The following SCAPER variants were observed in gnomAD, a reference collection of about 807,000 sequenced individuals.
SCAPER encodes S-phase cyclin A associated protein in the ER.
Under a neutral mutation model 182.2 loss-of-function variants are expected in SCAPER, and 98 were observed. The ratio of observed to expected loss-of-function variants is 0.54; its 90% confidence interval spans 0.46 to 0.64. The LOEUF (loss-of-function observed/expected upper bound fraction) is 0.64. Among genes scored for constraint, SCAPER ranks in the 30% least tolerant of loss-of-function variants. The pLI is 0.00. For synonymous variants in SCAPER, 605 were observed against 564.6 expected, an observed-to-expected ratio of 1.07 and a Z score of -1.01; for missense variants, 1,432 against 1,690.0, an observed-to-expected ratio of 0.85 and a Z score of 2.68.
At chr15:76,754,679 G>A (rs1186834915) in intron 14 of SCAPER, among the ~76,000 whole-genome samples, 3 of 122,014 alleles carry the variant, frequency 2.5e-5, no homozygotes, top group African/African-American at 9.2e-5. Flanking sequence ...GTCAATATGA[G>A]TGGAAAAAAC....
At chr15:76,498,179 T>C (rs970569692) in intron 24 of SCAPER, among the ~76,000 whole-genome samples, 5 of 152,088 alleles carry the variant, frequency 3.3e-5, no homozygotes, top group Non-Finnish European at 4.4e-5. Flanking sequence ...TAGAGTTTAA[T>C]ATGTCTCATT....
intron 21 of SCAPER, among the ~76,000 whole-genome samples, chr15:76,645,844 C>A (rs971558344): frequency 1.3e-5 from 2 of 152,052 alleles, no homozygotes; most frequent in African/African-American, 4.8e-5. Context: ...TTTTTAAAAA[C>A]ACACGAATGG....
chr15:76,796,324 G>A (rs1225417909), intron 7 of SCAPER, among the ~76,000 whole-genome samples: 1 of 152,046 alleles, frequency 6.6e-6, no homozygotes, highest in South Asian at 2.1e-4. Flanking sequence ...TCATTTGACA[G>A]CAACTTTACC....
At chr15:76,628,061 T>C (rs2052752190) in intron 21 of SCAPER, among the ~76,000 whole-genome samples, 1 of 152,234 alleles carries the variant, frequency 6.6e-6, no homozygotes, top group Non-Finnish European at 1.5e-5. Context: ...CTTTTCTTCA[T>C]ATGTTTGTTG....
At chr15:76,376,896 G>A (rs1195126913) in intron 28 of SCAPER, among the ~76,000 whole-genome samples, 2 of 152,136 alleles carry the variant, frequency 1.3e-5, no homozygotes, top group East Asian at 3.8e-4. Flanking sequence ...CCTCAGCTAT[G>A]GGACTTCTGG....
At chr15:76,544,700 G>A (rs951950423) in intron 23 of SCAPER, among the ~76,000 whole-genome samples, 19 of 152,122 alleles carry the variant, frequency 1.2e-4, no homozygotes, top group African/African-American at 4.6e-4. Context: ...TGGGTACAGG[G>A]TTTCTTTCTG....
intron 4 of SCAPER, among the ~76,000 whole-genome samples, chr15:76,846,353 T>C (rs769100971): frequency 1.3e-5 from 2 of 150,676 alleles, no homozygotes; most frequent in African/African-American, 4.9e-5. Flanking sequence ...TGGGATCACA[T>C]CAAGTTAAAA....
intron 26 of SCAPER, among the ~76,000 whole-genome samples, chr15:76,417,227 C>CAA (rs59646323): frequency 9.9e-5 from 15 of 151,702 alleles, no homozygotes; most frequent in East Asian, 5.8e-4. Context: ...GTTAAAAAAA[C>CAA]AAAAAAACAA....
At chr15:76,658,459 A>T (rs755620348) in intron 21 of SCAPER, among the ~76,000 whole-genome samples, 2 of 152,208 alleles carry the variant, frequency 1.3e-5, no homozygotes, top group African/African-American at 2.4e-5. Flanking sequence ...GAGAGAAAGA[A>T]TCTATTGTTA....
At chr15:76,465,304 G>A (rs956989580) in intron 25 of SCAPER, among the ~76,000 whole-genome samples, 30 of 152,042 alleles carry the variant, frequency 2.0e-4, no homozygotes, top group African/African-American at 7.0e-4. Context: ...TGACAGAAGG[G>A]GCAAGGCAGC....
At chr15:76,562,984 C>T (rs1221903380) in intron 23 of SCAPER, among the ~76,000 whole-genome samples, 1 of 152,070 alleles carries the variant, frequency 6.6e-6, no homozygotes, top group Non-Finnish European at 1.5e-5. Flanking sequence ...CAGTAGGATT[C>T]CATTTACATG....
At chr15:76,403,703 C>T (rs2044625281) in intron 27 of SCAPER, among the ~76,000 whole-genome samples, 1 of 152,046 alleles carries the variant, frequency 6.6e-6, no homozygotes, top group Non-Finnish European at 1.5e-5. Flanking sequence ...TACATATGTG[C>T]TGTTTAGAAT....
chr15:76,562,870 G>C (rs1162943116), intron 23 of SCAPER, among the ~76,000 whole-genome samples: 1 of 152,066 alleles, frequency 6.6e-6, no homozygotes, highest in Non-Finnish European at 1.5e-5. Context: ...ATACCACTGT[G>C]ACAAATTCAT....
At chr15:76,875,042 G>A (rs961848340) in intron 2 of SCAPER, among the ~76,000 whole-genome samples, 6 of 150,780 alleles carry the variant, frequency 4.0e-5, no homozygotes, top group African/African-American at 1.5e-4. Context: ...AGACAAGTCC[G>A]TTGAAAAACA....
chr15:76,886,345 T>C (rs1432640622), intron 1 of SCAPER, among the ~76,000 whole-genome samples: 1 of 152,088 alleles, frequency 6.6e-6, no homozygotes, highest in African/African-American at 2.4e-5. Flanking sequence ...CTGGGTGTGG[T>C]GGTGCGCGCC....
At position 76,374,617 on chromosome 15, in the gene SCAPER, G is replaced by A. The variant is rs1352342543; in HGVS notation, c.3855+1545C>T. On this transcript the variant is annotated intron_variant, in intron 29 of 31. Transcript: ENST00000563290. ...CTGCCTCAGCCTCCCGAGTAGCTGG[G>A]ATTACAGGCATGCGCCACCATGCCC... is the stretch of plus-strand genomic sequence containing the variant. Among the ~76,000 whole-genome samples the A allele has an allele frequency of 2.0e-5, 3 of 151,658 alleles. No individual in the cohort carries two copies. In the East Asian group the frequency reaches 6.1e-4, roughly 31 times the overall value.
intron 24 of SCAPER, among the ~76,000 whole-genome samples, chr15:76,480,289 T>C (rs2051003240): frequency 6.6e-6 from 1 of 152,238 alleles, no homozygotes; most frequent in African/African-American, 2.4e-5. Context: ...TCTCAAATTA[T>C]GCTTTATCTT....
At chr15:76,593,217 T>C (rs1403966188) in intron 22 of SCAPER, among the ~76,000 whole-genome samples, 1 of 121,444 alleles carries the variant, frequency 8.2e-6, no homozygotes, top group East Asian at 2.2e-4. Context: ...AAGTTCGAGC[T>C]GGGTGGAGGC....
In SCAPER at chr15:76,351,433, G is replaced by A. The variant is rs2040541698; in HGVS notation, c.4048-145C>T. The A allele has an allele frequency of 1.4e-5, 8 of 576,494 alleles. No homozygotes were observed. In the South Asian group the frequency reaches 3.0e-4, roughly 22 times the overall value. The allele number at this position is 576,494 out of a possible 1,614,324, so 35.7% of individuals were successfully genotyped here. A position where few individuals can be genotyped will look rare whatever the true frequency, so the allele number is the denominator to read the frequency against. On this transcript the variant is annotated intron_variant, in intron 30 of 31. Transcript: ENST00000563290. ...AAATATAAACGCTGAAGAAACTGATGTTACGTAGTGCAGGTTCTCATAAAT... is the reference window on the plus strand; with the variant it reads ...AAATATAAACGCTGAAGAAACTGATATTACGTAGTGCAGGTTCTCATAAAT...
Sources: allele counts gnomAD v4.1 joint callset (sites outside exome capture counted in the v4.1 genomes callset), GRCh38; gene constraint gnomAD v4.1.1; transcripts MANE v1.5; gene names NCBI Gene and HGNC (gene_info 2026-07-23, HGNC 2026-07-21).